FGF13: variants seen among roughly 807,000 people sequenced by gnomAD.
FGF13 encodes fibroblast growth factor homologous factor 2.
In FGF13, 2 loss-of-function variants were observed where a neutral mutation model predicts 19.5. The ratio of observed to expected loss-of-function variants is 0.10; its 90% CI spans 0.04 to 0.32. FGF13 has a LOEUF of 0.32. Among genes scored for constraint, FGF13 ranks in the 10% least tolerant of loss-of-function variants. The pLI is 1.00. For synonymous variants in FGF13, 72 were observed against 76.9 expected (o/e 0.94, Z 0.33); for missense variants, 113 against 192.7 (o/e 0.59, Z 2.45).
At chrX:138,903,110 C>T (rs965452418) in intron 1 of FGF13, among the ~76,000 whole-genome samples, 12 of 111,876 alleles carry the variant, frequency 1.1e-4, no homozygotes, top group Non-Finnish European at 1.7e-4. Flanking sequence ...AAGTGGATTT[C>T]TAAATTCCCA....
chrX:138,994,655 C>T (rs1434869796), intron 1 of FGF13, among the ~76,000 whole-genome samples: 2 of 110,797 alleles, frequency 1.8e-5, no homozygotes, highest in Admixed American at 1.9e-4. Flanking sequence ...AATATTCATA[C>T]AGGCTTAGAA....
chrX:138,738,995 C>G (rs938077409), intron 1 of FGF13, among the ~76,000 whole-genome samples: 3 of 108,496 alleles, frequency 2.8e-5, no homozygotes, highest in African/African-American at 1.0e-4. Flanking sequence ...ATTCAGTTTC[C>G]TATAACAATT....
At chrX:139,147,359 T>C (rs1394087543) in intron 1 of FGF13, among the ~76,000 whole-genome samples, 3 of 110,647 alleles carry the variant, frequency 2.7e-5, no homozygotes, top group African/African-American at 9.9e-5. Flanking sequence ...AGCTTGCTGA[T>C]AGCAAGGCCT....
intron 3 of FGF13, among the ~76,000 whole-genome samples, chrX:138,810,968 G>A (rs2090918201): frequency 8.9e-6 from 1 of 112,012 alleles, no homozygotes; most frequent in African/African-American, 3.2e-5. Context: ...AGGATGTGGA[G>A]AAATAGGAAC....
At chrX:138,946,832 CAT>C (rs1274501590) in intron 1 of FGF13, among the ~76,000 whole-genome samples, 13 of 112,324 alleles carry the variant, frequency 1.2e-4, no homozygotes, top group African/African-American at 3.9e-4. Context: ...GTGTCACAAT[CAT>C]AGAAAATGTT....
chrX:138,982,055 T>C (rs1046824765), intron 1 of FGF13, among the ~76,000 whole-genome samples: 1 of 111,807 alleles, frequency 8.9e-6, no homozygotes, highest in African/African-American at 3.3e-5. Context: ...GCGGAGGACA[T>C]GATTAATGTG....
chrX:139,162,755 A>T (rs919332552), intron 1 of FGF13, among the ~76,000 whole-genome samples: 5 of 112,602 alleles, frequency 4.4e-5, no homozygotes, highest in African/African-American at 1.6e-4. Context: ...ACTTCTCAAA[A>T]GAAGACATTT....
intron 3 of FGF13, among the ~76,000 whole-genome samples, chrX:138,677,595 C>G (rs1288029747): frequency 9.0e-6 from 1 of 110,994 alleles, no homozygotes; most frequent in Admixed American, 9.5e-5. Context: ...CCATCACTGG[C>G]CATCAGAGAA....
intron 3 of FGF13, among the ~76,000 whole-genome samples, chrX:138,805,117 C>T (rs988826574): frequency 1.8e-5 from 2 of 111,769 alleles, no homozygotes; most frequent in African/African-American, 6.5e-5. Context: ...TGGGTTTATC[C>T]ATGTTTTGTA....
At chrX:138,853,042 A>C (rs772782766), downstream of FGF13, among the ~76,000 whole-genome samples, 28 of 111,764 alleles carry the variant, frequency 2.5e-4, no homozygotes, top group Admixed American at 1.5e-3. Flanking sequence ...CCCCTCAATT[A>C]TTCTAAAGGA....
intron 1 of FGF13, among the ~76,000 whole-genome samples, chrX:138,725,168 G>A (rs1314050672): frequency 1.8e-5 from 2 of 111,440 alleles, no homozygotes; most frequent in Non-Finnish European, 3.8e-5. Flanking sequence ...AGAACCATCT[G>A]GTCTGAACAG....
intron 1 of FGF13, among the ~76,000 whole-genome samples, chrX:139,053,460 G>A (rs2092309564): frequency 9.2e-6 from 1 of 108,926 alleles, no homozygotes; most frequent in Admixed American, 9.8e-5. Context: ...CAGGAGTAAG[G>A]AGGTATTGCA....
At chrX:139,120,040 T>A (rs1459192034) in intron 1 of FGF13, among the ~76,000 whole-genome samples, 4 of 111,809 alleles carry the variant, frequency 3.6e-5, no homozygotes, top group African/African-American at 1.3e-4. Context: ...TTGAGGGAGT[T>A]CTCAGGAGAT....
intron 3 of FGF13, among the ~76,000 whole-genome samples, chrX:138,647,531 G>A (rs1334140322): frequency 3.6e-5 from 4 of 111,475 alleles, no homozygotes; most frequent in South Asian, 3.7e-4. Flanking sequence ...AATGCTTTAC[G>A]GGAGTGTTTG....
In FGF13 at chrX:139,012,816, GCAAAT is replaced by G. The variant is rs753104964; in HGVS notation, c.-112-148171_-112-148167del. Among the ~76,000 whole-genome samples the G allele has an allele frequency of 7.1e-5, 8 of 112,113 alleles. No individual in the cohort carries two copies. In the South Asian group the frequency reaches 2.6e-3, roughly 36 times the overall value. On this transcript the variant is annotated intron_variant, in intron 1 of 2. Coordinates refer to the FGF13 transcript ENST00000421460. ...AGATTTCATGACCAAGAATGCAAAA[GCAAAT>G]GCAACAAAAACAAAGATAAACAGAT...
At chrX:138,660,154 C>G (rs901005387) in intron 3 of FGF13, among the ~76,000 whole-genome samples, 4 of 111,756 alleles carry the variant, frequency 3.6e-5, no homozygotes, top group South Asian at 7.5e-4. Flanking sequence ...GCTAATTTAA[C>G]GCATGCTTGA....
At chrX:139,097,896 G>T (rs1051627033) in intron 1 of FGF13, among the ~76,000 whole-genome samples, 3 of 112,135 alleles carry the variant, frequency 2.7e-5, no homozygotes, top group Non-Finnish European at 5.6e-5. Context: ...ATTTAACAAG[G>T]TTGCCAGAGC....
At chrX:138,948,312 C>CT (rs1161325717) in intron 1 of FGF13, among the ~76,000 whole-genome samples, 2 of 111,464 alleles carry the variant, frequency 1.8e-5, no homozygotes, top group Non-Finnish European at 3.8e-5. Flanking sequence ...ACTTGTTGAC[C>CT]TTTTTTAAAA....
intron 1 of FGF13, among the ~76,000 whole-genome samples, chrX:139,097,404 C>T (rs1042884412): frequency 9.0e-6 from 1 of 111,353 alleles, no homozygotes; most frequent in African/African-American, 3.3e-5. Context: ...CCACATGTGG[C>T]TCATGGCCCA....
Sources: gnomAD v4.1 joint callset for allele counts (sites outside exome capture counted in the v4.1 genomes callset) on GRCh38, gnomAD v4.1.1 for gene constraint, MANE v1.5 for transcripts, NCBI Gene and HGNC (gene_info 2026-07-23, HGNC 2026-07-21) for gene names.